Variants in CBLN2 observed in about 807,000 individuals in gnomAD.
CBLN2 encodes cerebellin 2 precursor, also known as cerebellin-2.
A neutral mutation model predicts 15.0 loss-of-function variants in CBLN2; 7 were observed. That is an observed-to-expected ratio of 0.47 (90% CI 0.27 to 0.88). The LOEUF is 0.88. Among genes scored for constraint, CBLN2 ranks in the 40% least tolerant of loss-of-function variants. The pLI, the probability that CBLN2 is intolerant of heterozygous loss-of-function variation, is 0.14. For synonymous variants in CBLN2, 149 were observed against 135.2 expected, an observed-to-expected ratio of 1.10 and a Z score of -0.71; for missense variants, 242 against 304.5, an observed-to-expected ratio of 0.79 and a Z score of 1.53.
At chr18:72,548,225 A>G (rs2069170699), upstream of CBLN2, among the ~76,000 whole-genome samples, 1 of 152,220 alleles carries the variant, frequency 6.6e-6, no homozygotes, top group African/African-American at 2.4e-5. Flanking sequence ...ATGTATTCTG[A>G]CTGTGCTGCA....
chr18:72,542,525 A>G (rs2069124265), intron 2 of CBLN2, among the ~76,000 whole-genome samples, 199 bp from the exon 3 acceptor site: 1 of 151,272 alleles, frequency 6.6e-6, no homozygotes, highest in East Asian at 2.0e-4. Context: ...GCATCCCTGA[A>G]GGCTCCCGAG....
intron 1 of CBLN2, among the ~76,000 whole-genome samples, chr18:72,556,186 G>A (rs888173186): frequency 1.3e-5 from 2 of 152,236 alleles, no homozygotes; most frequent in East Asian, 1.9e-4. Flanking sequence ...GAACACACAT[G>A]TTACTTCACT....
rs141586199 is a variant in CBLN2 at position 72,615,766 on chromosome 18, C to A, written c.15+22559G>T. 4.1e-3 allele frequency among the ~76,000 whole-genome samples: 629 copies of A among 152,176 alleles called. 2 individuals are homozygous for A. The highest frequency in any genetic ancestry group is 6.0e-3 in the Non-Finnish European group (411 of 67,998). ...TTATTTCATGACGTCAAGAGAATTT[C>A]TACAATATAACAAATGATGCACTCT... is the stretch of plus-strand genomic sequence containing the variant. On this transcript the variant is annotated intron_variant, in intron 1 of 2. Transcript: ENST00000581073.
intron 1 of CBLN2, among the ~76,000 whole-genome samples, chr18:72,557,564 C>T (rs1002152520): frequency 6.6e-6 from 1 of 152,136 alleles, no homozygotes; most frequent in Non-Finnish European, 1.5e-5. Flanking sequence ...CCACGGAATA[C>T]TATGCAGCCA....
chr18:72,577,357 C>G lies in CBLN2; in HGVS notation c.16-38585G>C, dbSNP rs532585781. ...AAACGAATAGATGAGGAGAAACTTT[C>G]TCACAAGTGTATCATTTTATTCTAG... On this transcript the variant is annotated intron_variant, in intron 1 of 2. Transcript: ENST00000581073. Among the ~76,000 whole-genome samples the G allele has an allele frequency of 8.5e-5, 13 of 152,142 alleles. No individual in the cohort carries two copies. In the East Asian group the frequency reaches 2.5e-3, roughly 29 times the overall value.
At chr18:72,614,196 T>G in intron 1 of CBLN2, among the ~76,000 whole-genome samples, 1 of 152,126 alleles carries the variant, frequency 6.6e-6, no homozygotes, top group Non-Finnish European at 1.5e-5. Flanking sequence ...AGCAACAACT[T>G]TATAAACAAA....
At chr18:72,608,642 T>C (rs959317463) in intron 1 of CBLN2, among the ~76,000 whole-genome samples, 5 of 146,040 alleles carry the variant, frequency 3.4e-5, no homozygotes, top group African/African-American at 1.1e-4. Flanking sequence ...CTCATGTTCA[T>C]GTATAAGGGA....
At chr18:72,635,094 T>C (rs2069803617) in intron 1 of CBLN2, among the ~76,000 whole-genome samples, 1 of 152,098 alleles carries the variant, frequency 6.6e-6, no homozygotes, top group South Asian at 2.1e-4. Context: ...CTCGGAAAAT[T>C]GTTAAACACT....
At chr18:72,637,915 G>A (rs1312647528) in intron 1 of CBLN2, among the ~76,000 whole-genome samples, 4 of 152,210 alleles carry the variant, frequency 2.6e-5, no homozygotes, top group Non-Finnish European at 2.9e-5. Context: ...AGAAGACAGC[G>A]GAGCTCTGAT....
At chr18:72,636,827 C>A (rs1421959592) in intron 1 of CBLN2, among the ~76,000 whole-genome samples, 2 of 151,888 alleles carry the variant, frequency 1.3e-5, no homozygotes, top group Non-Finnish European at 2.9e-5. Context: ...TTTGTAACAC[C>A]CTGGTATGAA....
At chr18:72,616,089 C>T (rs988051286) in intron 1 of CBLN2, among the ~76,000 whole-genome samples, 6 of 152,106 alleles carry the variant, frequency 3.9e-5, no homozygotes, top group Non-Finnish European at 7.4e-5. Flanking sequence ...GAATTTTACC[C>T]GAGTCTTATG....
At chr18:72,559,962 C>G (rs1243107328) in intron 1 of CBLN2, among the ~76,000 whole-genome samples, 1 of 152,164 alleles carries the variant, frequency 6.6e-6, no homozygotes, top group African/African-American at 2.4e-5. Flanking sequence ...GATCAAATAT[C>G]TATTATTTTT....
intron 1 of CBLN2, among the ~76,000 whole-genome samples, chr18:72,574,966 G>A (rs77159793): frequency 6.6e-6 from 1 of 152,192 alleles, no homozygotes; most frequent in Non-Finnish European, 1.5e-5. Flanking sequence ...GTATTCTCCG[G>A]TGAGGACGAT....
At chr18:72,591,448 C>T (rs890335895) in intron 1 of CBLN2, among the ~76,000 whole-genome samples, 1 of 152,132 alleles carries the variant, frequency 6.6e-6, no homozygotes, top group Non-Finnish European at 1.5e-5. Flanking sequence ...AATCACATCA[C>T]TGTAAATAAG....
At chr18:72,623,465 A>G (rs2069714410) in intron 1 of CBLN2, among the ~76,000 whole-genome samples, 1 of 151,806 alleles carries the variant, frequency 6.6e-6, no homozygotes, top group Admixed American at 6.6e-5. Flanking sequence ...AGTTTTTCTC[A>G]TTTGTACTTG....
chr18:72,580,336 C>T (rs1289273456), intron 1 of CBLN2, among the ~76,000 whole-genome samples: 1 of 152,050 alleles, frequency 6.6e-6, no homozygotes, highest in East Asian at 1.9e-4. Context: ...GAAAACTATT[C>T]AGCTATTGAC....
chr18:72,559,666 G>A (rs955389059), intron 1 of CBLN2, among the ~76,000 whole-genome samples: 8 of 152,264 alleles, frequency 5.3e-5, no homozygotes, highest in African/African-American at 1.2e-4. Flanking sequence ...GCCGGTGGCC[G>A]GCATTTAAAA....
intron 1 of CBLN2, among the ~76,000 whole-genome samples, chr18:72,579,374 A>C (rs1356804332): frequency 1.3e-5 from 2 of 152,190 alleles, no homozygotes; most frequent in African/African-American, 4.8e-5. Context: ...AATATTACTA[A>C]ATCAAAGTAA....
chr18:72,598,996 G>A (rs548653812), intron 1 of CBLN2, among the ~76,000 whole-genome samples: 37 of 152,248 alleles, frequency 2.4e-4, no homozygotes, highest in African/African-American at 7.2e-4. Context: ...GTTCCTTAAC[G>A]TAATGTTAAA....
Sources: allele counts gnomAD v4.1 joint callset (sites outside exome capture counted in the v4.1 genomes callset), GRCh38; gene constraint gnomAD v4.1.1; transcripts MANE v1.5; gene names NCBI Gene and HGNC (gene_info 2026-07-23, HGNC 2026-07-21).